ANK3: variants seen among roughly 807,000 people sequenced by gnomAD.
ANK3 encodes the protein ankyrin 3.
ANK3 carries 57 observed loss-of-function variants against 370.9 expected under a neutral mutation model. That is an observed-to-expected ratio of 0.15 (90% CI 0.12 to 0.19). The LOEUF (loss-of-function observed/expected upper bound fraction) is 0.19. ANK3 is among the 10% of genes least tolerant of loss of function. The pLI is 1.00. For missense variants in ANK3, 4,439 were observed against 5,302.1 expected, an observed-to-expected ratio of 0.84 and a Z score of 5.06; for synonymous variants, 1,929 against 1,946.3, an observed-to-expected ratio of 0.99 and a Z score of 0.23.
intron 7 of ANK3, among the ~76,000 whole-genome samples, chr10:60,245,619 G>T (rs1025320522): frequency 1.3e-5 from 2 of 152,044 alleles, no homozygotes; most frequent in Non-Finnish European, 2.9e-5. Flanking sequence ...TTTGTGACTG[G>T]CTTCTTTCAC....
chr10:60,607,891 C>T (rs1271269763), intron 2 of ANK3, among the ~76,000 whole-genome samples: 2 of 152,162 alleles, frequency 1.3e-5, no homozygotes, highest in African/African-American at 2.4e-5. Context: ...GAGGGAGAAA[C>T]CTACCTAATG....
chr10:60,059,539 C>T (rs1033734257), intron 40 of ANK3, 109 bp from the exon 41 acceptor site: 1 of 1,234,816 alleles, frequency 8.1e-7, no homozygotes, highest in Admixed American at 1.7e-5. Flanking sequence ...AGTTGAATGT[C>T]CTCAAATAGA....
At chr10:60,727,100 C>G (rs2079951791) in intron 1 of ANK3, among the ~76,000 whole-genome samples, 1 of 152,060 alleles carries the variant, frequency 6.6e-6, no homozygotes, top group Non-Finnish European at 1.5e-5. Context: ...TTAGATCCTA[C>G]AATTTCAGTC....
chr10:60,221,359 C>T (rs2097054313), intron 8 of ANK3, among the ~76,000 whole-genome samples: 1 of 152,198 alleles, frequency 6.6e-6, no homozygotes, highest in African/African-American at 2.4e-5. Flanking sequence ...GGATTACAGG[C>T]GTGAGCCATC....
chr10:60,070,385 C>T lies in ANK3; in HGVS notation c.10496G>A (p.Gly3499Glu), dbSNP rs779247436. ...KTPDKTDQKS[G>E]AQFFTLEGRH... Reference sequence around the variant, plus strand: ...GCCTTCCAGTGTGAAGAACTGGGCCCCTGACTTCTGATCAGTCTTATCAGG... The same window carrying T: ...GCCTTCCAGTGTGAAGAACTGGGCCTCTGACTTCTGATCAGTCTTATCAGG... Residue 3499 changes from glycine to glutamate, a missense_variant, in exon 37 of 44, where the codon GGG becomes GAG. Transcript: ENST00000280772. This position sits in a 1 kb window ranked among gnomAD's most constrained non-coding sequence, Gnocchi z 5.7. The T allele has an allele frequency of 1.2e-6, 2 of 1,614,062 alleles. No homozygotes were observed. The highest frequency in any genetic ancestry group is 1.6e-4 in the Middle Eastern group (1 of 6,062).
At chr10:60,418,180 CA>C (rs1159027650) in intron 2 of ANK3, among the ~76,000 whole-genome samples, 1 of 152,126 alleles carries the variant, frequency 6.6e-6, no homozygotes, top group Admixed American at 6.6e-5. Flanking sequence ...ATGCACTGTC[CA>C]GGTCACAGCC....
At chr10:60,537,135 G>C (rs982731900) in intron 2 of ANK3, among the ~76,000 whole-genome samples, 4 of 151,966 alleles carry the variant, frequency 2.6e-5, no homozygotes, top group Non-Finnish European at 5.9e-5. Flanking sequence ...TTAGAGGGAG[G>C]ATTTTAAATT....
intron 2 of ANK3, among the ~76,000 whole-genome samples, chr10:60,425,529 A>G (rs2063867629): frequency 6.6e-6 from 1 of 152,114 alleles, no homozygotes; most frequent in South Asian, 2.1e-4. Flanking sequence ...AGCCAAGCTG[A>G]TTCAACAATG....
intron 2 of ANK3, among the ~76,000 whole-genome samples, chr10:60,592,071 G>T (rs2077923253): frequency 6.6e-6 from 1 of 152,128 alleles, no homozygotes; most frequent in Non-Finnish European, 1.5e-5. Flanking sequence ...AAATAACAAA[G>T]AATGTAATTA....
chr10:60,243,672 A>T (rs908550489), intron 7 of ANK3, among the ~76,000 whole-genome samples: 1 of 152,256 alleles, frequency 6.6e-6, no homozygotes, highest in African/African-American at 2.4e-5. Context: ...CATTTAGTAA[A>T]CATTATAACA....
chr10:60,524,386 T>C (rs1595203434), intron 2 of ANK3, among the ~76,000 whole-genome samples: 1 of 152,166 alleles, frequency 6.6e-6, no homozygotes, highest in Middle Eastern at 3.4e-3. Flanking sequence ...ACTGTATAGC[T>C]CCCATAAGTC....
intron 8 of ANK3, among the ~76,000 whole-genome samples, chr10:60,221,875 G>T (rs555307203): frequency 3.9e-5 from 6 of 152,316 alleles, no homozygotes; most frequent in African/African-American, 1.4e-4. Flanking sequence ...ACAACATGTG[G>T]CATCTAAAGA....
chr10:60,565,819 C>G (rs114133777), intron 2 of ANK3, among the ~76,000 whole-genome samples: 1 of 152,176 alleles, frequency 6.6e-6, no homozygotes, highest in Non-Finnish European at 1.5e-5. Context: ...GTTACCACTC[C>G]CTCCTTTCTG....
intron 21 of ANK3, among the ~76,000 whole-genome samples, chr10:60,168,413 A>AT (rs1268271291): frequency 2.0e-5 from 3 of 151,954 alleles, no homozygotes; most frequent in African/African-American, 7.3e-5. Flanking sequence ...TATTTTATTC[A>AT]TTTTTCTTTA....
chr10:60,177,599 T>TTTTTTTG (rs1477502871), intron 18 of ANK3, among the ~76,000 whole-genome samples: 3 of 141,842 alleles, frequency 2.1e-5, no homozygotes, highest in Non-Finnish European at 4.6e-5. Context: ...AAATCTTTTT[T>TTTTTTTG]TTTTTTTTTT....
chr10:60,664,157 A>C (rs1428015563), intron 1 of ANK3, among the ~76,000 whole-genome samples: 1 of 152,250 alleles, frequency 6.6e-6, no homozygotes, highest in Non-Finnish European at 1.5e-5. Context: ...ACTCAGCTTA[A>C]AATCTGATCC....
chr10:60,234,927 C>G (rs1260261019), intron 7 of ANK3, 141 bp from the exon 8 acceptor site: 2 of 562,570 alleles, frequency 3.6e-6, no homozygotes, highest in Non-Finnish European at 6.4e-6. Context: ...CCTAATACTT[C>G]TGACAGGAAT....
chr10:60,677,503 C>G (rs1320678817), intron 1 of ANK3, among the ~76,000 whole-genome samples: 1 of 151,884 alleles, frequency 6.6e-6, no homozygotes, highest in Non-Finnish European at 1.5e-5. Context: ...TTTAAAAAAA[C>G]TGATTTTAAG....
At chr10:60,428,623 C>A (rs1319141199) in intron 2 of ANK3, among the ~76,000 whole-genome samples, 1 of 152,178 alleles carries the variant, frequency 6.6e-6, no homozygotes, top group Admixed American at 6.5e-5. Flanking sequence ...TTAGAAACTG[C>A]ATTGGCATTG....
Sources: allele counts gnomAD v4.1 joint callset (sites outside exome capture counted in the v4.1 genomes callset), GRCh38; gene constraint gnomAD v4.1.1; non-coding constraint Gnocchi (gnomAD v3.1); transcripts MANE v1.5; gene names NCBI Gene and HGNC (gene_info 2026-07-23, HGNC 2026-07-21).